The following DSTYK variants were observed in gnomAD, a reference collection of about 807,000 sequenced individuals.
The protein encoded by DSTYK is dual serine/threonine and tyrosine protein kinase.
In DSTYK, 34 loss-of-function variants were observed where a neutral mutation model predicts 98.7. The ratio of observed to expected loss-of-function variants is 0.34; its 90% CI spans 0.26 to 0.46. The LOEUF (loss-of-function observed/expected upper bound fraction) is 0.46, where lower values mean the gene tolerates loss of function less well. Among genes scored for constraint, DSTYK ranks in the 20% least tolerant of loss-of-function variants. DSTYK has a pLI of 1.00. For synonymous variants in DSTYK, 462 were observed against 457.3 expected (o/e 1.01, Z -0.13); for missense variants, 962 against 1,181.7 (o/e 0.81, Z 2.73).
chr1:205,211,616 G>A lies in DSTYK; in HGVS notation c.-81C>T. ...CTCCTCCCCGCCCCCCAGTGCCGAA[G>A]GGAGGAGGAATCCGCCTCCTGACGC... On this transcript the variant is annotated 5_prime_UTR_variant, in exon 1 of 13. Coordinates refer to ENST00000367162, the MANE Select transcript of DSTYK (RefSeq NM_015375.3). 1.4e-6 allele frequency: 2 copies of A among 1,399,992 alleles called. No individual in the cohort carries two copies. Among genetic ancestry groups the A allele is most frequent in the Non-Finnish European group, 1.8e-6 (2 of 1,083,960 alleles). 86.7% of individuals were successfully genotyped at this position (1,399,992 alleles called of 1,614,324 possible).
intron 3 of DSTYK, among the ~76,000 whole-genome samples, chr1:205,168,694 A>G (rs1657962826): frequency 6.6e-6 from 1 of 152,248 alleles, no homozygotes; most frequent in South Asian, 2.1e-4. Context: ...GGACTGTCAA[A>G]AGGCTAAAAA....
At chr1:205,152,277 A>G (rs1657426989) in intron 10 of DSTYK, among the ~76,000 whole-genome samples, 1 of 152,182 alleles carries the variant, frequency 6.6e-6, no homozygotes, top group South Asian at 2.1e-4. Context: ...TCCCGGGTTC[A>G]AGCGATTCTC....
intron 1 of DSTYK, among the ~76,000 whole-genome samples, chr1:205,206,664 C>G (rs1056786474): frequency 2.0e-5 from 3 of 150,730 alleles, no homozygotes; most frequent in Non-Finnish European, 4.4e-5. Flanking sequence ...CTCACTGCAA[C>G]CTCCGCCTCC....
At chr1:205,182,465 T>C (rs996908607) in intron 2 of DSTYK, among the ~76,000 whole-genome samples, 1 of 142,520 alleles carries the variant, frequency 7.0e-6, no homozygotes, top group Admixed American at 7.4e-5. Context: ...AAGATAAAAC[T>C]TTACTACTCC....
chr1:205,180,202 C>T (rs902073769), intron 2 of DSTYK, among the ~76,000 whole-genome samples: 4 of 152,032 alleles, frequency 2.6e-5, no homozygotes, highest in African/African-American at 9.7e-5. Context: ...CCTATCAACC[C>T]GTCATCTAGG....
chr1:205,189,332 A>G (rs536211501), intron 1 of DSTYK, among the ~76,000 whole-genome samples: 2 of 152,196 alleles, frequency 1.3e-5, no homozygotes, highest in Non-Finnish European at 2.9e-5. Flanking sequence ...GAACTATATC[A>G]CTTCCTTATT....
intron 4 of DSTYK, among the ~76,000 whole-genome samples, chr1:205,163,377 G>C (rs897792030): frequency 6.6e-6 from 1 of 151,922 alleles, no homozygotes; most frequent in African/African-American, 2.4e-5. Flanking sequence ...GCACCACCAC[G>C]CCCAGCTAAT....
At chr1:205,182,785 G>C (rs1414159681) in intron 2 of DSTYK, among the ~76,000 whole-genome samples, 1 of 149,024 alleles carries the variant, frequency 6.7e-6, no homozygotes, top group Non-Finnish European at 1.5e-5. Context: ...CAGCCCGGGT[G>C]ACAAGAGTAA....
chr1:205,156,198 G>A (rs956299999), intron 10 of DSTYK, among the ~76,000 whole-genome samples: 1 of 152,232 alleles, frequency 6.6e-6, no homozygotes, highest in Admixed American at 6.5e-5. Context: ...TGTGGGGTTG[G>A]AGCCCCCACA....
chr1:205,151,197 A>G (rs1423497041), intron 10 of DSTYK, among the ~76,000 whole-genome samples: 1 of 152,100 alleles, frequency 6.6e-6, no homozygotes, highest in African/African-American at 2.4e-5. Flanking sequence ...GCAGAAGTGG[A>G]AGTTGCTCTG....
intron 1 of DSTYK, among the ~76,000 whole-genome samples, chr1:205,194,676 C>G (rs113876330): frequency 6.6e-6 from 1 of 151,384 alleles, no homozygotes; most frequent in South Asian, 2.1e-4. Flanking sequence ...AGCCGCCGTG[C>G]CTGGCCTAAA....
intron 1 of DSTYK, among the ~76,000 whole-genome samples, chr1:205,208,588 T>G (rs946959185): frequency 6.6e-6 from 1 of 152,112 alleles, no homozygotes; most frequent in African/African-American, 2.4e-5. Context: ...AAAAGAAAGT[T>G]GAGGACTGGG....
At chr1:205,162,498 T>A (rs1238774262) in intron 5 of DSTYK, among the ~76,000 whole-genome samples, 1 of 152,140 alleles carries the variant, frequency 6.6e-6, no homozygotes, top group Non-Finnish European at 1.5e-5. Context: ...AGTCAGTAAA[T>A]AACTCTACAT....
chr1:205,142,633 A>C lies in DSTYK; in HGVS notation c.*4925T>G, dbSNP rs2836. ...CTAATGAAGATTAACCCAGAGTCGC[A>C]TCTCTTCAAAATGCACACAATTAAG... On this transcript the variant is annotated 3_prime_UTR_variant, in exon 13 of 13. Transcript: ENST00000367162. 46,826 of 152,220 alleles carry C rather than the reference A, an allele frequency of 0.31. 8,995 individuals carry two copies. The highest frequency in any genetic ancestry group is 0.44 in the Non-Finnish European group (29,669 of 67,956). The allele number at this position is 152,220 out of a possible 1,614,324, so 9.4% of individuals were successfully genotyped here. A position where few individuals can be genotyped will look rare whatever the true frequency, so the allele number is the denominator to read the frequency against.
intron 1 of DSTYK, among the ~76,000 whole-genome samples, chr1:205,209,481 G>A (rs78176224): frequency 0.23 from 19,100 of 82,082 alleles, 3,531 homozygotes; most frequent in Non-Finnish European, 0.39. Flanking sequence ...TCAAAGACTA[G>A]TTTCAGAAAA....
At chr1:205,147,849 T>A in intron 12 of DSTYK, 104 bp from the exon 13 acceptor site, 1 of 1,191,094 alleles carries the variant, frequency 8.4e-7, no homozygotes, top group Non-Finnish European at 1.2e-6. Flanking sequence ...CTCAGAATAC[T>A]AAGAATGCAA....
At chr1:205,210,988 G>A (rs1659354779) in intron 1 of DSTYK, among the ~76,000 whole-genome samples, 1 of 152,146 alleles carries the variant, frequency 6.6e-6, no homozygotes, top group Non-Finnish European at 1.5e-5. Context: ...CCCCAGGTCC[G>A]TCAGCGCACA....
intron 1 of DSTYK, among the ~76,000 whole-genome samples, chr1:205,196,049 G>C (rs1055879293): frequency 2.6e-5 from 4 of 152,184 alleles, no homozygotes; most frequent in Non-Finnish European, 4.4e-5. Flanking sequence ...ATCCAAAGGT[G>C]GGAATATGTC....
chr1:205,158,955 G>A (rs1330006239), intron 9 of DSTYK, among the ~76,000 whole-genome samples: 1 of 152,172 alleles, frequency 6.6e-6, no homozygotes, highest in East Asian at 1.9e-4. Flanking sequence ...AGAAAGAAGA[G>A]CAGAGTTACA....
Sources: allele counts gnomAD v4.1 joint callset (sites outside exome capture counted in the v4.1 genomes callset), GRCh38; gene constraint gnomAD v4.1.1; transcripts MANE v1.5; gene names NCBI Gene and HGNC (gene_info 2026-07-23, HGNC 2026-07-21).